Variants in CEP83 observed in about 807,000 individuals in gnomAD.
The protein encoded by CEP83 is centrosomal protein 83, also known as centrosomal protein of 83 kDa.
Under a neutral mutation model 101.9 loss-of-function variants are expected in CEP83, and 70 were observed. That is an observed-to-expected ratio of 0.69 (90% CI 0.57 to 0.84). The LOEUF (loss-of-function observed/expected upper bound fraction) is 0.84. Among genes scored for constraint, CEP83 ranks in the 40% least tolerant of loss-of-function variants. CEP83 has a pLI of 0.00. For synonymous variants in CEP83, 264 were observed against 267.9 expected (o/e 0.99, Z 0.14); for missense variants, 715 against 787.2 (o/e 0.91, Z 1.10).
chr12:94,286,339 C>T, the CEP83 span, among the ~76,000 whole-genome samples: 1 of 152,082 alleles, frequency 6.6e-6, no homozygotes, highest in African/African-American at 2.4e-5. Context: ...ATGCCTGGAC[C>T]ATCTCAAAAG....
intron 4 of CEP83, among the ~76,000 whole-genome samples, chr12:94,405,755 G>C (rs2063498320): frequency 6.6e-6 from 1 of 152,136 alleles, no homozygotes; most frequent in Non-Finnish European, 1.5e-5. Flanking sequence ...CACCGGAAAG[G>C]ATACCTATGC....
At chr12:94,380,376 A>G (rs1423323043) in intron 6 of CEP83, among the ~76,000 whole-genome samples, 1 of 152,186 alleles carries the variant, frequency 6.6e-6, no homozygotes, top group African/African-American at 2.4e-5. Flanking sequence ...GACAAATATT[A>G]TTTTGCAGAG....
chr12:94,350,153 C>T (rs572148331), intron 11 of CEP83, among the ~76,000 whole-genome samples: 5 of 152,098 alleles, frequency 3.3e-5, no homozygotes, highest in East Asian at 1.9e-4. Flanking sequence ...TCCTAAAATT[C>T]GTATGGAATC....
At chr12:94,266,352 A>G in the CEP83 span, among the ~76,000 whole-genome samples, 1 of 152,220 alleles carries the variant, frequency 6.6e-6, no homozygotes, top group Non-Finnish European at 1.5e-5. Flanking sequence ...CTGAGCTGAA[A>G]GTCAACACTT....
At chr12:94,390,758 A>G (rs1484716058) in intron 6 of CEP83, among the ~76,000 whole-genome samples, 1 of 152,236 alleles carries the variant, frequency 6.6e-6, no homozygotes, top group Non-Finnish European at 1.5e-5. Flanking sequence ...GCTAACTAGA[A>G]TAAACAGTGT....
At chr12:94,303,733 T>C (rs762565170), downstream of CEP83, 957 of 269,046 alleles carry the variant, frequency 3.6e-3, 2 homozygotes, top group African/African-American at 0.014. Context: ...TGATGGTTGC[T>C]TTTTTTTTTT....
At chr12:94,332,941 C>A (rs1234248077) in intron 13 of CEP83, among the ~76,000 whole-genome samples, 1 of 148,044 alleles carries the variant, frequency 6.8e-6, no homozygotes, top group Non-Finnish European at 1.5e-5. Context: ...TCTACCACAT[C>A]TAAACAAATT....
chr12:94,345,278 T>C (rs1306859246), intron 11 of CEP83, among the ~76,000 whole-genome samples: 2 of 152,244 alleles, frequency 1.3e-5, no homozygotes, highest in Admixed American at 6.5e-5. Flanking sequence ...TGTAGTATTA[T>C]GATGTATATA....
intron 1 of CEP83, 79 bp from the exon 2 acceptor site, chr12:94,435,406 A>T (rs545516782): frequency 6.6e-6 from 1 of 152,368 alleles, no homozygotes; most frequent in African/African-American, 2.4e-5. Context: ...CTGCTAGAGC[A>T]TACCCATTTG....
At chr12:94,407,094 A>C (rs555646693) in intron 4 of CEP83, among the ~76,000 whole-genome samples, 1 of 152,298 alleles carries the variant, frequency 6.6e-6, no homozygotes, top group African/African-American at 2.4e-5. Context: ...GCACAGAGAC[A>C]AAAAATACTA....
At chr12:94,406,843 T>C (rs1468204958) in intron 4 of CEP83, among the ~76,000 whole-genome samples, 1 of 150,560 alleles carries the variant, frequency 6.6e-6, no homozygotes, top group African/African-American at 2.4e-5. Context: ...AGTAGAATGG[T>C]ATGAACACAG....
chr12:94,360,000 C>A (rs1047216880), intron 11 of CEP83, among the ~76,000 whole-genome samples: 4 of 152,116 alleles, frequency 2.6e-5, no homozygotes, highest in Admixed American at 2.6e-4. Context: ...AAATGTGATA[C>A]ATCGTATCAA....
At chr12:94,384,289 G>C (rs2062011187) in intron 6 of CEP83, among the ~76,000 whole-genome samples, 1 of 152,140 alleles carries the variant, frequency 6.6e-6, no homozygotes, top group Non-Finnish European at 1.5e-5. Context: ...TCTGATTTCT[G>C]ATGAGAAATG....
chr12:94,363,408 G>A (rs2060869593), intron 11 of CEP83, among the ~76,000 whole-genome samples: 1 of 152,124 alleles, frequency 6.6e-6, no homozygotes, highest in South Asian at 2.1e-4. Context: ...AAATGGTGCA[G>A]CCACTGAAGA....
downstream of CEP83, chr12:94,303,636 G>A: frequency 1.2e-6 from 1 of 810,300 alleles, no homozygotes; most frequent in Non-Finnish European, 1.8e-6. Flanking sequence ...TTAGCAAGAG[G>A]TAAAACTGGT....
At chr12:94,383,743 T>C (rs1218062740) in intron 6 of CEP83, among the ~76,000 whole-genome samples, 1 of 152,154 alleles carries the variant, frequency 6.6e-6, no homozygotes, top group African/African-American at 2.4e-5. Context: ...TTCCATTTTA[T>C]CTATAATGTT....
the CEP83 span, among the ~76,000 whole-genome samples, chr12:94,289,033 G>A: frequency 6.6e-6 from 1 of 152,002 alleles, no homozygotes; most frequent in East Asian, 1.9e-4. Flanking sequence ...TTGTCAATAG[G>A]TGACCATTTT....
the CEP83 span, among the ~76,000 whole-genome samples, chr12:94,286,702 A>G: frequency 1.1e-4 from 17 of 151,902 alleles, no homozygotes; most frequent in East Asian, 3.1e-3. Context: ...CCTCCCTCCA[A>G]TTAGTCCACA....
At chr12:94,349,477 A>C (rs367898171) in intron 11 of CEP83, among the ~76,000 whole-genome samples, 2 of 152,282 alleles carry the variant, frequency 1.3e-5, no homozygotes, top group South Asian at 4.1e-4. Context: ...TTACTTTTGC[A>C]CCAACCTAAT....
Sources: gnomAD v4.1 joint callset for allele counts (sites outside exome capture counted in the v4.1 genomes callset) on GRCh38, gnomAD v4.1.1 for gene constraint, MANE v1.5 for transcripts, NCBI Gene and HGNC (gene_info 2026-07-23, HGNC 2026-07-21) for gene names.